The following ACP6 variants were observed in gnomAD, a reference collection of about 807,000 sequenced individuals.
ACP6 encodes the protein lysophosphatidic acid phosphatase type 6.
A neutral mutation model predicts 48.1 loss-of-function variants in ACP6; 48 were observed. The ratio of observed to expected loss-of-function variants is 1.00; its 90% CI spans 0.79 to 1.27. The LOEUF is 1.27. Among genes scored for constraint, ACP6 ranks in the 50% most tolerant of loss-of-function variants. ACP6 has a pLI of 0.00. For missense variants in ACP6, 485 were observed against 529.1 expected (o/e 0.92, Z 0.82); for synonymous variants, 172 against 204.2 (o/e 0.84, Z 1.34).
Position 147,645,755 on chromosome 1 carries a change from T to C in ACP6, c.*1668A>G, listed in dbSNP as rs2148901139. On this transcript the variant is annotated 3_prime_UTR_variant, in exon 10 of 10. Transcript: ENST00000583509. ...GGAAGAATTAGAGGTAGCAACTCTTTTGAGGAGTTCTGCTATGAAGGGGAG... is the reference window on the plus strand; with the variant it reads ...GGAAGAATTAGAGGTAGCAACTCTTCTGAGGAGTTCTGCTATGAAGGGGAG... 6.6e-6 allele frequency: 1 copy of C among 152,282 alleles called. No homozygotes were observed. The highest frequency in any genetic ancestry group is 2.4e-5 in the African/African-American group (1 of 41,540). The allele number at this position is 152,282 out of a possible 1,614,324, so 9.4% of individuals were successfully genotyped here.
At chr1:147,647,620 T>A (rs958902827) in intron 9 of ACP6, 54 bp from the exon 10 acceptor site, 14 of 1,578,852 alleles carry the variant, frequency 8.9e-6, no homozygotes, top group Non-Finnish European at 1.1e-5. Flanking sequence ...CCTTCTGCTA[T>A]TTCCAGCTAA....
chr1:147,650,510 T>C, intron 7 of ACP6: 1 of 340,266 alleles, frequency 2.9e-6, no homozygotes, highest in East Asian at 4.9e-5. Flanking sequence ...AGCAGGAGAG[T>C]GGTAACCTGG....
chr1:147,669,803 C>T, intron 1 of ACP6, 27 bp downstream of exon 1: 1 of 1,543,644 alleles, frequency 6.5e-7, no homozygotes, highest in Non-Finnish European at 8.8e-7. Context: ...CTCGCCCCAC[C>T]AGCCCCAGCC....
intron 4 of ACP6, 107 bp from the exon 5 acceptor site, chr1:147,655,355 G>A (rs2148908747): frequency 1.2e-6 from 1 of 832,326 alleles, no homozygotes; most frequent in Non-Finnish European, 1.9e-6. Flanking sequence ...GATCTGCTCT[G>A]AGAGGCAGAT....
At chr1:147,637,038 CT>C (rs1659319783) in intron 5 of ACP6, among the ~76,000 whole-genome samples, 1 of 152,230 alleles carries the variant, frequency 6.6e-6, no homozygotes, top group South Asian at 2.1e-4. Flanking sequence ...AACAGCAACA[CT>C]TTAATAAGGT....
At position 147,647,152 on chromosome 1, in the gene ACP6, AGGGTCATGATGTCCCC is replaced by A. The variant is rs1659659570; in HGVS notation, c.*255_*270del. The stretch of plus-strand genomic sequence containing the variant: ...AAGTCCAAAACCGACACAATTCTAC[AGGGTCATGATGTCCCC>A]AGCCCGTGTCACACAAAGATGCTTC... On this transcript the variant is annotated 3_prime_UTR_variant, in exon 10 of 10. Coordinates refer to ENST00000583509, the MANE Select transcript of ACP6 (RefSeq NM_016361.5). The A allele has an allele frequency of 2.5e-5, 9 of 366,096 alleles. No individual in the cohort carries two copies. Among genetic ancestry groups the A allele is most frequent in the Non-Finnish European group, 4.0e-5 (8 of 199,448 alleles). The allele number at this position is 366,096 out of a possible 1,614,324, so 22.7% of individuals were successfully genotyped here.
chr1:147,665,334 G>A (rs1446232159), intron 1 of ACP6, among the ~76,000 whole-genome samples: 2 of 152,220 alleles, frequency 1.3e-5, no homozygotes, highest in African/African-American at 2.4e-5. Context: ...AACAATAGAG[G>A]AGGTAGATGT....
intron 5 of ACP6, among the ~76,000 whole-genome samples, chr1:147,635,475 A>G (rs970146794): frequency 2.0e-5 from 3 of 152,064 alleles, no homozygotes; most frequent in African/African-American, 7.2e-5. Context: ...TTACTTCTTC[A>G]TTACTTTTTT....
chr1:147,669,415 C>CT (rs1660967014), intron 1 of ACP6, among the ~76,000 whole-genome samples: 1 of 152,210 alleles, frequency 6.6e-6, no homozygotes, highest in Non-Finnish European at 1.5e-5. Context: ...CCCTTCAGCC[C>CT]TTCAGCTCTG....
chr1:147,659,298 C>T (rs1000467002), intron 3 of ACP6, 98 bp downstream of exon 3: 198 of 1,497,214 alleles, frequency 1.3e-4, no homozygotes, highest in Middle Eastern at 2.0e-4. Flanking sequence ...CCCCAAACTA[C>T]CTTGGGTGAC....
chr1:147,632,174 T>C (rs1659184593), intron 5 of ACP6, among the ~76,000 whole-genome samples: 2 of 145,326 alleles, frequency 1.4e-5, no homozygotes, highest in South Asian at 4.3e-4. Flanking sequence ...GAGTACCCTG[T>C]CAAATACCTA....
rs912135918 is a variant in ACP6 at position 147,648,477 on chromosome 1, C to T, written c.978-66G>A. 1.2e-5 allele frequency: 19 copies of T among 1,573,760 alleles called. No individual in the cohort carries two copies. In the East Asian group the frequency reaches 3.6e-4, roughly 30 times the overall value. The stretch of plus-strand genomic sequence containing the variant: ...ACTCTGAAGGTCAGGATGTGGCCTG[C>T]CTCCTTTACGTAAGACACACTTGCC... On this transcript the variant is annotated intron_variant, in intron 8 of 9. Transcript: ENST00000583509.
At chr1:147,664,434 T>C (rs1234828372) in intron 1 of ACP6, among the ~76,000 whole-genome samples, 1 of 152,228 alleles carries the variant, frequency 6.6e-6, no homozygotes, top group Admixed American at 6.5e-5. Context: ...TTAGAAAGAC[T>C]TTTGTTCATT....
chr1:147,657,788 T>C (rs1660332360), intron 4 of ACP6, among the ~76,000 whole-genome samples: 1 of 152,170 alleles, frequency 6.6e-6, no homozygotes, highest in African/African-American at 2.4e-5. Context: ...AAGAAGCCAA[T>C]CTGGAGTCCC....
Position 147,654,345 on chromosome 1 carries a change from T to C in ACP6, c.648-19A>G. On this transcript the variant is annotated intron_variant, in intron 5 of 9. Transcript: ENST00000583509. ...CCGGCCTCTGACAAAAAATAAAAAG[T>C]AAAGCCTTATATTCTATAGTGATTA... 6.2e-7 allele frequency: 1 copy of C among 1,612,812 alleles called. No individual in the cohort carries two copies. Among genetic ancestry groups the C allele is most frequent in the Non-Finnish European group, 8.5e-7 (1 of 1,179,638 alleles).
intron 1 of ACP6, among the ~76,000 whole-genome samples, chr1:147,667,944 C>T (rs1239421624): frequency 2.0e-5 from 3 of 151,644 alleles, no homozygotes; most frequent in South Asian, 4.2e-4. Context: ...GAGCCGAGAT[C>T]GCGTCACTGC....
chr1:147,633,918 G>A (rs1348778646), intron 5 of ACP6, among the ~76,000 whole-genome samples: 2 of 152,236 alleles, frequency 1.3e-5, no homozygotes, highest in African/African-American at 4.8e-5. Context: ...ACATTAATGT[G>A]TTATGGCTTT....
intron 5 of ACP6, among the ~76,000 whole-genome samples, chr1:147,634,145 T>G (rs1553207722): frequency 6.6e-6 from 1 of 152,182 alleles, no homozygotes; most frequent in African/African-American, 2.4e-5. Context: ...CTTATCAACA[T>G]TTATTATTTT....
intron 1 of ACP6, among the ~76,000 whole-genome samples, chr1:147,660,805 C>T (rs1300884516): frequency 2.0e-5 from 3 of 151,908 alleles, no homozygotes; most frequent in African/African-American, 7.3e-5. Context: ...TTATGGAGTA[C>T]AATGTGATGT....
Sources: gnomAD v4.1 joint callset for allele counts (sites outside exome capture counted in the v4.1 genomes callset) on GRCh38, gnomAD v4.1.1 for gene constraint, MANE v1.5 for transcripts, NCBI Gene and HGNC (gene_info 2026-07-23, HGNC 2026-07-21) for gene names.